The following CTNNA3 variants were observed in gnomAD, a reference collection of about 807,000 sequenced individuals.
The protein encoded by CTNNA3 is catenin alpha 3.
A neutral mutation model predicts 95.7 loss-of-function variants in CTNNA3; 76 were observed. The ratio of observed to expected loss-of-function variants is 0.79; its 90% CI spans 0.66 to 0.96. The LOEUF is 0.96. Ranked by LOEUF, CTNNA3 falls within the 40% of genes least tolerant of loss-of-function variation. The pLI is 0.00. For synonymous variants in CTNNA3, 431 were observed against 374.4 expected (o/e 1.15, Z -1.74); for missense variants, 1,191 against 1,089.8 (o/e 1.09, Z -1.31).
At chr10:66,728,349 G>C (rs945140514) in intron 9 of CTNNA3, among the ~76,000 whole-genome samples, 2 of 152,146 alleles carry the variant, frequency 1.3e-5, no homozygotes, top group African/African-American at 4.8e-5. Context: ...CAGATGGATA[G>C]ATTGTAAAAA....
chr10:67,395,539 T>C (rs993808873), intron 5 of CTNNA3, among the ~76,000 whole-genome samples: 1 of 152,232 alleles, frequency 6.6e-6, no homozygotes, highest in Non-Finnish European at 1.5e-5. Context: ...ACTATGGTGC[T>C]GACAGCAGCA....
At chr10:67,392,093 C>G (rs376691225) in intron 5 of CTNNA3, among the ~76,000 whole-genome samples, 36 of 152,084 alleles carry the variant, frequency 2.4e-4, no homozygotes, top group Admixed American at 9.2e-4. Context: ...CACAGCAAAA[C>G]AAACTACCAT....
chr10:67,425,817 C>T (rs954563969), intron 5 of CTNNA3, among the ~76,000 whole-genome samples: 2 of 151,990 alleles, frequency 1.3e-5, no homozygotes, highest in African/African-American at 2.4e-5. Flanking sequence ...GTGTTATGAC[C>T]GTTTTTGTTG....
chr10:67,246,203 T>A (rs1865902261), intron 5 of CTNNA3, among the ~76,000 whole-genome samples: 1 of 152,222 alleles, frequency 6.6e-6, no homozygotes, highest in South Asian at 2.1e-4. Flanking sequence ...GCATGAATCA[T>A]CTATATGCAG....
chr10:66,542,795 A>T (rs1395444775), intron 10 of CTNNA3, among the ~76,000 whole-genome samples: 1 of 151,692 alleles, frequency 6.6e-6, no homozygotes, highest in Non-Finnish European at 1.5e-5. Context: ...GTAAATGATG[A>T]GTTAATGGGT....
chr10:67,125,576 GT>G (rs1589767146), intron 7 of CTNNA3, among the ~76,000 whole-genome samples: 1 of 152,114 alleles, frequency 6.6e-6, no homozygotes, highest in Admixed American at 6.6e-5. Flanking sequence ...GACTATGTCA[GT>G]ATCTCCACTT....
intron 5 of CTNNA3, among the ~76,000 whole-genome samples, chr10:67,465,222 A>G (rs986115390): frequency 9.2e-5 from 14 of 152,256 alleles, no homozygotes; most frequent in Non-Finnish European, 1.8e-4. Flanking sequence ...CTGTTTTTAC[A>G]CAGAATTTTA....
intron 13 of CTNNA3, among the ~76,000 whole-genome samples, chr10:66,256,587 G>A (rs147601292): frequency 7.5e-4 from 114 of 152,166 alleles, no homozygotes; most frequent in African/African-American, 2.7e-3. Flanking sequence ...CGGTCATGGT[G>A]GCACATGCCT....
rs71468879 is a variant in CTNNA3 at position 67,758,323 on chromosome 10, T to TATATACAC, written c.-2+5110_-2+5111insGTGTATAT. Among the ~76,000 whole-genome samples, 294 of 143,408 alleles carry TATATACAC rather than the reference T, an allele frequency of 2.1e-3. 2 individuals are homozygous for TATATACAC. The highest frequency in any genetic ancestry group is 6.8e-3 in the African/African-American group (266 of 39,122). The allele number at this position is 143,408 out of a possible 152,430, so 94.1% of individuals were successfully genotyped here. A position where few individuals can be genotyped will look rare whatever the true frequency, so the allele number is the denominator to read the frequency against. The stretch of plus-strand genomic sequence containing the variant: ...ACACACACATATATATAAATATATA[T>TATATACAC]ACACACACACACACACACACACACA... On this transcript the variant is annotated intron_variant, in intron 1 of 17. Transcript: ENST00000684154.
In CTNNA3 at chr10:66,840,289, G is replaced by T. The variant is rs889302338; in HGVS notation, c.1048-64765C>A. Among the ~76,000 whole-genome samples, 9 of 145,276 alleles carry T rather than the reference G, an allele frequency of 6.2e-5. No individual in the cohort carries two copies. In the East Asian group the frequency reaches 1.7e-3, roughly 28 times the overall value. ...GACTCTGGCTTACCCTTAACTTAAG[G>T]ACTTAGATCCTGCATTTCTTCTTCC... On this transcript the variant is annotated intron_variant, in intron 7 of 17. Coordinates refer to ENST00000433211, the MANE Select transcript of CTNNA3 (RefSeq NM_013266.4).
intron 7 of CTNNA3, among the ~76,000 whole-genome samples, chr10:67,030,646 C>T (rs938565765): frequency 6.6e-6 from 1 of 151,946 alleles, no homozygotes; most frequent in African/African-American, 2.4e-5. Flanking sequence ...ATTTGTTTAT[C>T]ACCATTATTA....
intron 14 of CTNNA3, among the ~76,000 whole-genome samples, chr10:66,080,847 C>T (rs953730397): frequency 1.3e-5 from 2 of 152,126 alleles, no homozygotes; most frequent in African/African-American, 2.4e-5. Flanking sequence ...TAGGCTTCTA[C>T]CCTCCTACAG....
intron 11 of CTNNA3, among the ~76,000 whole-genome samples, chr10:66,409,671 T>G (rs764981932): frequency 5.9e-5 from 9 of 152,180 alleles, no homozygotes; most frequent in Non-Finnish European, 1.3e-4. Flanking sequence ...TCACATTGTC[T>G]TCTAGCTGAA....
chr10:66,531,782 C>T (rs1269775627), intron 10 of CTNNA3, among the ~76,000 whole-genome samples: 1 of 151,786 alleles, frequency 6.6e-6, no homozygotes, highest in East Asian at 1.9e-4. Flanking sequence ...AGAAAAATTG[C>T]CTTAAAACTA....
intron 7 of CTNNA3, among the ~76,000 whole-genome samples, chr10:67,075,116 C>A (rs1478080058): frequency 1.3e-5 from 2 of 151,486 alleles, no homozygotes; most frequent in Non-Finnish European, 2.9e-5. Flanking sequence ...GTTACTAAGG[C>A]TCAGAGAAGA....
At chr10:67,095,081 T>C (rs1015225276) in intron 7 of CTNNA3, among the ~76,000 whole-genome samples, 12 of 151,500 alleles carry the variant, frequency 7.9e-5, no homozygotes, top group Non-Finnish European at 1.6e-4. Flanking sequence ...CCCCTATATA[T>C]ACACATGGGT....
Position 66,206,144 on chromosome 10 carries a change from T to G in CTNNA3, c.1884+74326A>C, listed in dbSNP as rs531218307. Among the ~76,000 whole-genome samples, 366 of 152,042 alleles carry G rather than the reference T, an allele frequency of 2.4e-3. 3 individuals carry two copies. The highest frequency in any genetic ancestry group is 8.5e-3 in the African/African-American group (353 of 41,544). On this transcript the variant is annotated intron_variant, in intron 13 of 17. Transcript: ENST00000433211. ...TTTACTAGGTGTGCTCTAAATTATT[T>G]TATTTTGATCACCATACTTAGGGAA...
intron 7 of CTNNA3, among the ~76,000 whole-genome samples, chr10:66,779,944 C>T (rs1840464351): frequency 6.6e-6 from 1 of 151,976 alleles, no homozygotes; most frequent in Non-Finnish European, 1.5e-5. Context: ...TAGGATAACA[C>T]ATGGATTGAT....
At chr10:67,724,184 T>C (rs1841195606) in intron 1 of CTNNA3, among the ~76,000 whole-genome samples, 1 of 152,316 alleles carries the variant, frequency 6.6e-6, no homozygotes, top group Non-Finnish European at 1.5e-5. Context: ...CCTAGAGTTG[T>C]TCTCTCTGGC....
Sources: allele counts gnomAD v4.1 joint callset (sites outside exome capture counted in the v4.1 genomes callset), GRCh38; gene constraint gnomAD v4.1.1; transcripts MANE v1.5; gene names NCBI Gene and HGNC (gene_info 2026-07-23, HGNC 2026-07-21).